The following PREP variants were observed in gnomAD, a reference collection of about 807,000 sequenced individuals.
PREP encodes prolyl endopeptidase.
In PREP, 29 loss-of-function variants were observed where a neutral mutation model predicts 87.6. The ratio of observed to expected loss-of-function variants is 0.33; its 90% CI spans 0.25 to 0.45. The LOEUF is 0.45. Among genes scored for constraint, PREP ranks in the 20% least tolerant of loss-of-function variants. PREP has a pLI of 1.00. For synonymous variants in PREP, 337 were observed against 328.6 expected (o/e 1.03, Z -0.28); for missense variants, 695 against 886.5 (o/e 0.78, Z 2.74).
intron 10 of PREP, among the ~76,000 whole-genome samples, chr6:105,290,487 T>G (rs1770278688): frequency 6.6e-6 from 1 of 151,892 alleles, no homozygotes; most frequent in East Asian, 1.9e-4. Context: ...CAAATCCAGG[T>G]CCAGCTGAAT....
intron 11 of PREP, 66 bp from the exon 12 acceptor site, chr6:105,285,646 C>CATCTCAAA: frequency 7.4e-7 from 1 of 1,346,636 alleles, no homozygotes; most frequent in South Asian, 1.2e-5. Flanking sequence ...CCTCTCTCTC[C>CATCTCAAA]ATCTCAAAAA....
At chr6:105,369,155 T>G (rs2114703736) in intron 5 of PREP, 131 bp from the exon 6 acceptor site, 3 of 851,626 alleles carry the variant, frequency 3.5e-6, no homozygotes, top group Non-Finnish European at 5.3e-6. Context: ...CATACAGAAA[T>G]CAATTACTTT....
intron 10 of PREP, among the ~76,000 whole-genome samples, chr6:105,289,704 C>CT (rs1770255414): frequency 6.6e-6 from 1 of 152,186 alleles, no homozygotes; most frequent in East Asian, 1.9e-4. Flanking sequence ...GCTGATAATG[C>CT]TTTTTTTCCC....
chr6:105,357,529 C>A (rs1420504929), intron 6 of PREP, among the ~76,000 whole-genome samples: 1 of 152,200 alleles, frequency 6.6e-6, no homozygotes, highest in Non-Finnish European at 1.5e-5. Context: ...TCTGGAGTTG[C>A]TCCATAGCCA....
intron 6 of PREP, among the ~76,000 whole-genome samples, chr6:105,365,750 G>A (rs9486068): frequency 0.12 from 18,524 of 152,098 alleles, 1,797 homozygotes; most frequent in African/African-American, 0.26. Flanking sequence ...CTTGAGGGAA[G>A]TCTACGCCCA....
chr6:105,344,405 T>C (rs1187261186), intron 7 of PREP, among the ~76,000 whole-genome samples: 1 of 149,618 alleles, frequency 6.7e-6, no homozygotes, highest in East Asian at 2.0e-4. Context: ...GGCAGGAGAA[T>C]GGCGTGAACC....
At position 105,280,420 on chromosome 6, in the gene PREP, T is replaced by C. The variant is rs77731056; in HGVS notation, c.1838+1326A>G. Among the ~76,000 whole-genome samples the C allele has an allele frequency of 8.7e-3, 1,318 of 152,286 alleles. 51 individuals carry two copies. In the East Asian group the frequency reaches 0.12, roughly 14 times the overall value. On this transcript the variant is annotated intron_variant, in intron 14 of 14. Transcript: ENST00000652536. The stretch of plus-strand genomic sequence containing the variant: ...AAACACTGGTGATTAAAAATAAAAC[T>C]CTTACATATGGGGAATGAAGGGCCA...
At chr6:105,333,991 C>T (rs981124700) in intron 7 of PREP, among the ~76,000 whole-genome samples, 3 of 152,142 alleles carry the variant, frequency 2.0e-5, no homozygotes, top group Admixed American at 2.0e-4. Flanking sequence ...AGGGTAGAGA[C>T]CAGAGATGCT....
intron 2 of PREP, among the ~76,000 whole-genome samples, chr6:105,386,690 G>A (rs1773004949): frequency 1.3e-5 from 2 of 152,160 alleles, no homozygotes; most frequent in Non-Finnish European, 2.9e-5. Context: ...AGTAATCTAA[G>A]TATTCCCTAG....
chr6:105,390,079 T>C (rs1773101347), intron 2 of PREP, among the ~76,000 whole-genome samples: 1 of 152,152 alleles, frequency 6.6e-6, no homozygotes, highest in Non-Finnish European at 1.5e-5. Context: ...AAGGTTTAAA[T>C]CTTTCCTGCC....
chr6:105,334,264 C>A (rs534559987), intron 7 of PREP, among the ~76,000 whole-genome samples: 1 of 152,356 alleles, frequency 6.6e-6, no homozygotes, highest in South Asian at 2.1e-4. Context: ...ATGCTACAGT[C>A]CTTTCCCACT....
In PREP at chr6:105,403,075, C is replaced by G. The variant is rs1376455793; in HGVS notation, c.-184G>C. ...CTGGCGGCGCGGCGGCGAGGACGTG[C>G]AGAAAGCAGGAAGCCGCTGTCTGCG... On this transcript the variant is annotated 5_prime_UTR_variant, in exon 1 of 15. Transcript: ENST00000652536. 4 of 269,728 alleles carry G rather than the reference C, an allele frequency of 1.5e-5. No individual in the cohort carries two copies. The highest frequency in any genetic ancestry group is 2.7e-5 in the Non-Finnish European group (4 of 145,756). The allele number at this position is 269,728 out of a possible 1,614,324, so 16.7% of individuals were successfully genotyped here.
At chr6:105,294,537 C>T (rs1261907638) in intron 10 of PREP, among the ~76,000 whole-genome samples, 2 of 152,196 alleles carry the variant, frequency 1.3e-5, no homozygotes, top group Non-Finnish European at 2.9e-5. Flanking sequence ...AGTTTCCACC[C>T]TACCCTAGCC....
At chr6:105,393,923 C>CT (rs571952819) in intron 2 of PREP, among the ~76,000 whole-genome samples, 133 of 145,612 alleles carry the variant, frequency 9.1e-4, no homozygotes, top group Middle Eastern at 7.1e-3. Flanking sequence ...AGGTATTTTA[C>CT]TTTTTTTTTT....
chr6:105,373,654 G>A, intron 4 of PREP, 76 bp from the exon 5 acceptor site: 1 of 1,362,548 alleles, frequency 7.3e-7, no homozygotes, highest in Admixed American at 1.9e-5. Flanking sequence ...ATCTAACAAA[G>A]CTCTCTTTCA....
rs1769895506 is a variant in PREP at position 105,274,468 on chromosome 6, G to A, written c.*3676C>T. On this transcript the variant is annotated 3_prime_UTR_variant, in exon 15 of 15. Transcript: ENST00000652536. The stretch of plus-strand genomic sequence containing the variant: ...GGACATAAACACTCAGACAACAGCA[G>A]TAAGAGAGCTGTTTCGGCTGGGCAT... Among the ~76,000 whole-genome samples, 1 of 152,144 alleles carries A rather than the reference G, an allele frequency of 6.6e-6. No homozygotes were observed. The highest frequency in any genetic ancestry group is 1.5e-5 in the Non-Finnish European group (1 of 68,012).
rs1769912103 is a variant in PREP at position 105,275,332 on chromosome 6, C to T, written c.*2812G>A. ...TTGTAGCACCATGTGTGTGTAGCTGCTTAAGCTTTAGTGGGAGTATTTAAG... is the reference window on the plus strand; with the variant it reads ...TTGTAGCACCATGTGTGTGTAGCTGTTTAAGCTTTAGTGGGAGTATTTAAG... On this transcript the variant is annotated 3_prime_UTR_variant, in exon 15 of 15. Transcript: ENST00000652536. 6.6e-6 allele frequency among the ~76,000 whole-genome samples: 1 copy of T among 152,176 alleles called. No homozygotes were observed. The highest frequency in any genetic ancestry group is 1.5e-5 in the Non-Finnish European group (1 of 68,030).
At position 105,376,539 on chromosome 6, in the gene PREP, G is replaced by A. The variant is rs111729558; in HGVS notation, c.255-284C>T. ...CATTTTATGTGTTAAAATAAAAATT[G>A]ATATTCAAATAAAGCAGTAACTTTT... On this transcript the variant is annotated intron_variant, in intron 3 of 14. Coordinates refer to ENST00000652536, the MANE Select transcript of PREP (RefSeq NM_002726.5). Among the ~76,000 whole-genome samples the A allele has an allele frequency of 7.9e-3, 1,207 of 152,282 alleles. 17 individuals carry two copies. Among genetic ancestry groups the A allele is most frequent in the African/African-American group, 0.026 (1,092 of 41,556 alleles).
intron 2 of PREP, among the ~76,000 whole-genome samples, chr6:105,396,921 C>T (rs1434667658): frequency 3.3e-5 from 5 of 152,204 alleles, no homozygotes; most frequent in African/African-American, 1.2e-4. Flanking sequence ...CGATGGTGCA[C>T]ACTTGTAATC....
Sources: gnomAD v4.1 joint callset for allele counts (sites outside exome capture counted in the v4.1 genomes callset) on GRCh38, gnomAD v4.1.1 for gene constraint, MANE v1.5 for transcripts, NCBI Gene and HGNC (gene_info 2026-07-23, HGNC 2026-07-21) for gene names.